Variants in PKD2 observed in about 807,000 individuals in gnomAD.
The protein encoded by PKD2 is polycystin-2.
PKD2 carries 48 observed loss-of-function variants against 105.9 expected under a neutral mutation model. The ratio of observed to expected loss-of-function variants is 0.45; its 90% CI spans 0.36 to 0.58. PKD2 has a LOEUF of 0.58. PKD2 is among the 20% of genes least tolerant of loss of function. The probability of loss-of-function intolerance (pLI) is 0.00; values close to 1 mark genes in which losing one functional copy is unlikely to be tolerated. For synonymous variants in PKD2, 464 were observed against 481.1 expected (o/e 0.96, Z 0.46); for missense variants, 1,078 against 1,255.3 (o/e 0.86, Z 2.13).
At chr4:88,069,502 A>G (rs1720933674) in intron 13 of PKD2, among the ~76,000 whole-genome samples, 1 of 151,952 alleles carries the variant, frequency 6.6e-6, no homozygotes, top group Non-Finnish European at 1.5e-5. Context: ...ATTACTTCAG[A>G]TATATATTAA....
chr4:88,065,321 T>C (rs1263880357), intron 10 of PKD2, 53 bp from the exon 11 acceptor site: 5 of 1,552,024 alleles, frequency 3.2e-6, no homozygotes, highest in East Asian at 2.2e-5. Context: ...GTAAAACAGA[T>C]GCAAAAGGAG....
chr4:88,021,363 C>CA (rs1331061788), intron 2 of PKD2, among the ~76,000 whole-genome samples: 1 of 152,154 alleles, frequency 6.6e-6, no homozygotes, highest in Admixed American at 6.5e-5. Flanking sequence ...AAGCTGAAGA[C>CA]AGAGTTTTAG....
At chr4:88,022,272 A>G (rs1726780133) in intron 2 of PKD2, among the ~76,000 whole-genome samples, 1 of 152,188 alleles carries the variant, frequency 6.6e-6, no homozygotes, top group Admixed American at 6.5e-5. Context: ...CATTCATCTC[A>G]CATCAGCTAC....
At position 88,072,090 on chromosome 4, in the gene PKD2, T is replaced by A. The variant is rs189222989; in HGVS notation, c.2523-2722T>A. ...CTCAATCTCTCAGGCTCAAGCAATC[T>A]TCCCACCTCAGCTTCTCAAGTAGCT... is the stretch of plus-strand genomic sequence containing the variant. On this transcript the variant is annotated intron_variant, in intron 13 of 14. Coordinates refer to ENST00000237596, the MANE Select transcript of PKD2 (RefSeq NM_000297.4). Among the ~76,000 whole-genome samples, 5 of 149,808 alleles carry A rather than the reference T, an allele frequency of 3.3e-5. No homozygotes were observed. In the Admixed American group the frequency reaches 3.3e-4, roughly 10 times the overall value.
At position 88,036,246 on chromosome 4, in the gene PKD2, G is replaced by A. The variant is rs770308866; in HGVS notation, c.736G>A (p.Val246Met). 2 of 1,613,706 alleles carry A rather than the reference G, an allele frequency of 1.2e-6. No individual in the cohort carries two copies. Among genetic ancestry groups the A allele is most frequent in the African/African-American group, 1.3e-5 (1 of 74,908 alleles). Residue 246 changes from valine to methionine, a missense_variant, in exon 3 of 15, where the codon GTG becomes ATG. By Grantham distance (21) the Val-to-Met change is conservative (BLOSUM62 1). Coordinates refer to ENST00000237596, the MANE Select transcript of PKD2 (RefSeq NM_000297.4). ...ILTYGMMSSN[V>M]YYYTRMMSQL... is the part of the protein sequence containing the mutation. ...GACCTACGGCATGATGAGCTCCAAT[G>A]TGTACTACTACACCCGGATGATGTC... is the stretch of plus-strand genomic sequence containing the variant.
intron 1 of PKD2, among the ~76,000 whole-genome samples, chr4:88,008,683 G>C (rs1726281897): frequency 6.6e-6 from 1 of 151,850 alleles, no homozygotes; most frequent in African/African-American, 2.4e-5. Flanking sequence ...TTGTGTAACT[G>C]ATGGTAGTTG....
chr4:88,007,850 C>G lies in PKD2; in HGVS notation c.117C>G (p.Ser39Arg), dbSNP rs1327060892. 2 of 1,218,528 alleles carry G rather than the reference C, an allele frequency of 1.6e-6. No homozygotes were observed. Among genetic ancestry groups the G allele is most frequent in the African/African-American group, 3.2e-5 (2 of 62,996 alleles). 75.5% of individuals were successfully genotyped at this position (1,218,528 alleles called of 1,614,324 possible). The change falls in exon 1 of 15, where the codon AGC becomes AGG. Residue 39 changes from serine to arginine, a missense_variant. Physicochemically the swap from Ser to Arg is moderately radical, Grantham distance 110. Around this residue, in one of 2 missense-constraint regions of PKD2, gnomAD observed 210 missense variants for 187.9 expected, o/e 1.12. Transcript: ENST00000237596. ...CTGGCTGCGCGGCCGTGGGCGCCAG[C>G]CTCGCCGCCCCGGGCGGCCTCTGCG... ...LMAGCAAVGASLAAPGGLCEQ... is the reference protein window; with the variant it reads ...LMAGCAAVGARLAAPGGLCEQ...
At chr4:88,061,451 C>T (rs1191240668) in intron 9 of PKD2, among the ~76,000 whole-genome samples, 2 of 152,088 alleles carry the variant, frequency 1.3e-5, no homozygotes, top group Non-Finnish European at 2.9e-5. Flanking sequence ...TAATTTATTA[C>T]ATCAGGCTGG....
Position 88,046,864 on chromosome 4 carries a change from C to T in PKD2, c.1542C>T (p.Ile514=), listed in dbSNP as rs145716012. 3.6e-5 allele frequency: 57 copies of T among 1,593,060 alleles called. No homozygotes were observed. The highest frequency in any genetic ancestry group is 6.7e-5 in the East Asian group (3 of 44,732). Residue 514 remains isoleucine (I), a synonymous_variant, in exon 6 of 15, where the codon ATC becomes ATT. Transcript: ENST00000237596. ...TCTGGAATTGTCTGGATGTTGTGAT[C>T]GTTGTGGTAGGTTTGAGAACAACAC... is the stretch of plus-strand genomic sequence containing the variant. ...RSFWNCLDVV[I]VVLSVVAIGI...
chr4:88,044,906 A>C lies in PKD2; in HGVS notation c.1319+1449A>C, dbSNP rs576075458. On this transcript the variant is annotated intron_variant, in intron 5 of 14. Coordinates refer to ENST00000237596, the MANE Select transcript of PKD2 (RefSeq NM_000297.4). The stretch of plus-strand genomic sequence containing the variant: ...AGTGGCCAAAAAAAAAGAAAGAAAG[A>C]AAAGAAATACTCAACCAGTAGTCCA... 2.0e-5 allele frequency among the ~76,000 whole-genome samples: 3 copies of C among 152,336 alleles called. No homozygotes were observed. The East Asian group carries it at 5.8e-4, about 29-fold the overall frequency.
intron 9 of PKD2, among the ~76,000 whole-genome samples, chr4:88,060,763 T>C (rs191774694): frequency 7.2e-5 from 11 of 152,074 alleles, no homozygotes; most frequent in Admixed American, 5.9e-4. Flanking sequence ...AAGGGAAAGG[T>C]CAGAAAAATG....
chr4:88,038,213 G>A, intron 3 of PKD2, 38 bp from the exon 4 acceptor site: 1 of 1,612,660 alleles, frequency 6.2e-7, no homozygotes, highest in South Asian at 1.1e-5. Flanking sequence ...CAGCGGCTGA[G>A]CTTGGAACTT....
intron 1 of PKD2, among the ~76,000 whole-genome samples, chr4:88,012,916 A>G (rs1287216547): frequency 6.6e-6 from 1 of 152,132 alleles, no homozygotes; most frequent in Non-Finnish European, 1.5e-5. Context: ...TTTATGACGA[A>G]ATACTATTTA....
intron 6 of PKD2, 95 bp downstream of exon 6, chr4:88,046,965 C>A: frequency 1.2e-6 from 1 of 803,708 alleles, no homozygotes; most frequent in Non-Finnish European, 2.2e-6. Context: ...CTTGATATTC[C>A]CAAAAAAGAA....
chr4:88,049,969 A>ATTTTTTTTTTTTTT (rs397881137), intron 6 of PKD2, among the ~76,000 whole-genome samples: 1 of 118,540 alleles, frequency 8.4e-6, no homozygotes, highest in Non-Finnish European at 1.7e-5. Context: ...TACAGGGTAA[A>ATTTTTTTTTTTTTT]TTTTTTTTTT....
chr4:88,018,417 C>T (rs939215000), intron 1 of PKD2, among the ~76,000 whole-genome samples: 2 of 152,114 alleles, frequency 1.3e-5, no homozygotes, highest in Admixed American at 1.3e-4. Context: ...GCGAAAGTGG[C>T]TGTGTGAGTT....
At chr4:88,022,489 C>G (rs1726788315) in intron 2 of PKD2, among the ~76,000 whole-genome samples, 1 of 152,162 alleles carries the variant, frequency 6.6e-6, no homozygotes, top group Non-Finnish European at 1.5e-5. Flanking sequence ...CTGAGTAATT[C>G]CCCCATTCCT....
At chr4:88,030,547 T>A (rs1727110071) in intron 2 of PKD2, among the ~76,000 whole-genome samples, 2 of 152,234 alleles carry the variant, frequency 1.3e-5, no homozygotes, top group Non-Finnish European at 2.9e-5. Flanking sequence ...TTCAACCACA[T>A]CAAACCACTT....
At chr4:88,059,709 C>T (rs996815587) in intron 9 of PKD2, among the ~76,000 whole-genome samples, 9 of 151,894 alleles carry the variant, frequency 5.9e-5, no homozygotes, top group African/African-American at 1.9e-4. Context: ...TCTCCTTGCA[C>T]CTCCCAGAGA....
Sources: allele counts gnomAD v4.1 joint callset (sites outside exome capture counted in the v4.1 genomes callset), GRCh38; gene constraint gnomAD v4.1.1; regional missense constraint gnomAD v4.1.1; transcripts MANE v1.5; gene names NCBI Gene and HGNC (gene_info 2026-07-23, HGNC 2026-07-21).